The following ADGRL4 variants were observed in gnomAD, a reference collection of about 807,000 sequenced individuals.
The protein encoded by ADGRL4 is adhesion G protein-coupled receptor L4.
In ADGRL4, 90 loss-of-function variants were observed where a neutral mutation model predicts 74.8. That is an observed-to-expected ratio of 1.20 (90% CI 1.02 to 1.43). The LOEUF (loss-of-function observed/expected upper bound fraction) is 1.43. ADGRL4 is among the 40% of genes most tolerant of loss of function. The pLI, the probability that ADGRL4 is intolerant of heterozygous loss-of-function variation, is 0.00. For missense variants in ADGRL4, 881 were observed against 814.3 expected, an observed-to-expected ratio of 1.08 and a Z score of -1.00; for synonymous variants, 311 against 279.2, an observed-to-expected ratio of 1.11 and a Z score of -1.14.
At chr1:78,971,670 G>T (rs1188762753) in intron 2 of ADGRL4, among the ~76,000 whole-genome samples, 1 of 152,224 alleles carries the variant, frequency 6.6e-6, no homozygotes, top group Non-Finnish European at 1.5e-5. Flanking sequence ...GAACTAAGGA[G>T]AAAGTCCTAC....
At chr1:78,989,418 C>T (rs973343848) in intron 2 of ADGRL4, among the ~76,000 whole-genome samples, 5 of 151,744 alleles carry the variant, frequency 3.3e-5, no homozygotes, top group African/African-American at 9.7e-5. Flanking sequence ...ATTAAAGAAA[C>T]TTATTCTTTA....
intron 2 of ADGRL4, among the ~76,000 whole-genome samples, chr1:78,970,056 C>T (rs755104540): frequency 2.1e-4 from 32 of 152,154 alleles, no homozygotes; most frequent in Non-Finnish European, 4.0e-4. Context: ...TCCTAGCAAG[C>T]GTAACTGCAG....
intron 3 of ADGRL4, 25 bp from the exon 4 acceptor site, chr1:78,939,283 A>G (rs190039369): frequency 2.7e-5 from 42 of 1,534,656 alleles, no homozygotes; most frequent in Non-Finnish European, 3.7e-5. Context: ...AATAGATTAT[A>G]CAGTCAGTTT....
rs74093908 is a variant in ADGRL4 at position 78,906,891 on chromosome 1, C to T, written c.1749+10743G>A. Among the ~76,000 whole-genome samples, 960 of 151,948 alleles carry T rather than the reference C, an allele frequency of 6.3e-3. 13 individuals are homozygous for T. The highest frequency in any genetic ancestry group is 0.023 in the African/African-American group (937 of 41,500). Reference sequence around the variant, plus strand: ...AAAAATAGAAGAGATATAAGATTTTCCCCCAAATTATTAAGAATTGTCCTT... The same window carrying T: ...AAAAATAGAAGAGATATAAGATTTTTCCCCAAATTATTAAGAATTGTCCTT... On this transcript the variant is annotated intron_variant, in intron 12 of 14. Transcript: ENST00000370742.
chr1:78,999,104 T>C (rs1650782997), intron 2 of ADGRL4, among the ~76,000 whole-genome samples: 1 of 152,122 alleles, frequency 6.6e-6, no homozygotes, highest in Admixed American at 6.5e-5. Context: ...GACTGGATAA[T>C]TTACTTTTAA....
chr1:78,936,300 GA>G lies in ADGRL4; in HGVS notation c.871del (p.Ser291GlnfsTer27), dbSNP rs771325634. On this transcript the variant is annotated frameshift_variant, in exon 7 of 15. Coordinates refer to ENST00000370742, the MANE Select transcript of ADGRL4 (RefSeq NM_022159.4). LOFTEE classifies it high-confidence loss of function. ...TTAGATTGTTAAAGTCCTACCATTT[GA>G]ATCATATGCAGCTTTTCTCTTTGGA... is the stretch of plus-strand genomic sequence containing the variant. ...IFPKRKAAYDSNGNVAVAFVY... is the reference protein window; with the variant it reads ...IFPKRKAAYDXNGNVAVAFVY... 2 of 1,590,694 alleles carry G rather than the reference GA, an allele frequency of 1.3e-6. No homozygotes were observed. Among genetic ancestry groups the G allele is most frequent in the South Asian group, 2.3e-5 (2 of 86,680 alleles).
intron 2 of ADGRL4, among the ~76,000 whole-genome samples, chr1:78,984,401 G>A (rs1201222898): frequency 2.6e-5 from 4 of 151,736 alleles, no homozygotes; most frequent in Non-Finnish European, 5.9e-5. Context: ...GAAAGAGATG[G>A]AAAAAGTAAA....
intron 12 of ADGRL4, among the ~76,000 whole-genome samples, chr1:78,915,128 A>G (rs1231028234): frequency 2.0e-5 from 3 of 151,888 alleles, no homozygotes; most frequent in Non-Finnish European, 4.4e-5. Context: ...TGCGTATAGA[A>G]TAGCTCAAGT....
intron 2 of ADGRL4, among the ~76,000 whole-genome samples, chr1:78,970,035 A>G (rs533021550): frequency 2.4e-4 from 37 of 152,310 alleles, no homozygotes; most frequent in African/African-American, 8.9e-4. Flanking sequence ...GCCAAGCACC[A>G]TGCACCCAAA....
intron 2 of ADGRL4, among the ~76,000 whole-genome samples, chr1:78,972,025 G>C (rs1284816003): frequency 1.3e-5 from 2 of 152,168 alleles, no homozygotes; most frequent in East Asian, 3.9e-4. Context: ...AAAGTACTGA[G>C]ATTACAGGTG....
chr1:79,003,671 T>G (rs1367280691), intron 2 of ADGRL4, among the ~76,000 whole-genome samples: 1 of 151,972 alleles, frequency 6.6e-6, no homozygotes. Flanking sequence ...ATGTGAAAAT[T>G]TTTTTATGTT....
chr1:78,968,866 C>A (rs1315556171), intron 2 of ADGRL4, among the ~76,000 whole-genome samples: 1 of 152,148 alleles, frequency 6.6e-6, no homozygotes. Flanking sequence ...AGAATTTTGA[C>A]AGATGCTCTC....
Position 78,891,130 on chromosome 1 carries a change from G to A in ADGRL4, c.*24C>T. On this transcript the variant is annotated 3_prime_UTR_variant, in exon 15 of 15. Coordinates refer to ENST00000370742, the MANE Select transcript of ADGRL4 (RefSeq NM_022159.4). ...TTGGAATTTTTATTTTTGTGCAGTT[G>A]TAATTATCCACCATTCTCTATGTTT... The A allele has an allele frequency of 6.2e-7, 1 of 1,608,764 alleles. No homozygotes were observed. The highest frequency in any genetic ancestry group is 1.3e-5 in the African/African-American group (1 of 74,846).
intron 12 of ADGRL4, among the ~76,000 whole-genome samples, chr1:78,898,070 G>T (rs1648434306): frequency 1.3e-5 from 2 of 152,044 alleles, no homozygotes; most frequent in Non-Finnish European, 1.5e-5. Context: ...TATGAAATAG[G>T]TGTGAAGTGT....
intron 13 of ADGRL4, 83 bp downstream of exon 13, chr1:78,893,015 C>T: frequency 1.3e-6 from 1 of 766,410 alleles, no homozygotes; most frequent in African/African-American, 1.9e-5. Flanking sequence ...AAAAATAATT[C>T]CCCAAATTAT....
Position 78,917,672 on chromosome 1 carries a change from TA to T in ADGRL4, c.1710del (p.Phe570LeufsTer6). ...KVCWLSTENN[F>X]IWSFIGPACL... is the part of the protein sequence containing the mutation. The stretch of plus-strand genomic sequence containing the variant: ...CATGCTGGTCCTATAAAACTCCAAA[TA>T]AAGTTGTTTTCGGTGCTAAGCCAAC... On this transcript the variant is annotated frameshift_variant, in exon 12 of 15. Transcript: ENST00000370742. LOFTEE classifies it high-confidence loss of function. 1 of 1,607,142 alleles carries T rather than the reference TA, an allele frequency of 6.2e-7. No homozygotes were observed. The highest frequency in any genetic ancestry group is 2.2e-5 in the East Asian group (1 of 44,698).
At chr1:78,956,586 C>T (rs1649834355) in intron 2 of ADGRL4, among the ~76,000 whole-genome samples, 1 of 152,154 alleles carries the variant, frequency 6.6e-6, no homozygotes, top group South Asian at 2.1e-4. Context: ...TGTTCACTTT[C>T]TTCCCCATTT....
Position 78,909,371 on chromosome 1 carries a change from C to T in ADGRL4, c.1749+8263G>A, listed in dbSNP as rs1261163792. On this transcript the variant is annotated intron_variant, in intron 12 of 14. Coordinates refer to ENST00000370742, the MANE Select transcript of ADGRL4 (RefSeq NM_022159.4). ...AACATCCATGTCTAGGCTAGTGGTT[C>T]CCAGTGAAGAGAACTGGGAATATCA... Among the ~76,000 whole-genome samples, 5 of 151,778 alleles carry T rather than the reference C, an allele frequency of 3.3e-5. No homozygotes were observed. The East Asian group carries it at 5.8e-4, about 18-fold the overall frequency.
In ADGRL4 at chr1:78,972,724, C is replaced by T. The variant is rs184746459; in HGVS notation, c.173-26298G>A. Reference sequence around the variant, plus strand: ...CTATTCAATTTTCTGTTTTCTGGTTCTGCAACAGTTCTGTTTTCCAATTAG... The same window carrying T: ...CTATTCAATTTTCTGTTTTCTGGTTTTGCAACAGTTCTGTTTTCCAATTAG... On this transcript the variant is annotated intron_variant, in intron 2 of 14. Transcript: ENST00000370742. Among the ~76,000 whole-genome samples the T allele has an allele frequency of 3.3e-5, 5 of 152,336 alleles. No homozygotes were observed. The East Asian group carries it at 9.6e-4, about 29-fold the overall frequency.
Sources: allele counts gnomAD v4.1 joint callset (sites outside exome capture counted in the v4.1 genomes callset), GRCh38; gene constraint gnomAD v4.1.1; transcripts MANE v1.5; gene names NCBI Gene and HGNC (gene_info 2026-07-23, HGNC 2026-07-21).